Variants in EXD3 observed in about 807,000 individuals in gnomAD.
The protein encoded by EXD3 is exonuclease 3'-5' domain containing 3.
Under a neutral mutation model 98.0 loss-of-function variants are expected in EXD3, and 92 were observed. That is an observed-to-expected ratio of 0.94 (90% CI 0.79 to 1.12). EXD3 has a LOEUF of 1.12. Among genes scored for constraint, EXD3 ranks in the 50% most tolerant of loss-of-function variants. The pLI is 0.00. For missense variants in EXD3, 1,222 were observed against 1,191.6 expected, an observed-to-expected ratio of 1.03 and a Z score of -0.38; for synonymous variants, 569 against 526.0, an observed-to-expected ratio of 1.08 and a Z score of -1.12.
At chr9:137,396,487 C>T (rs568753816) in intron 1 of EXD3, among the ~76,000 whole-genome samples, 35 of 152,330 alleles carry the variant, frequency 2.3e-4, no homozygotes, top group South Asian at 1.0e-3. Flanking sequence ...GCAGCCCTCA[C>T]GGTGGCCATT....
Position 137,373,574 on chromosome 9 carries a change from A to C in EXD3, c.146T>G (p.Phe49Cys). 1 of 1,603,124 alleles carries C rather than the reference A, an allele frequency of 6.2e-7. No individual in the cohort carries two copies. Residue 49 changes from phenylalanine (F) to cysteine (C), a missense_variant, in exon 4 of 22, where the codon TTT (phenylalanine) becomes TGT (cysteine). Coordinates refer to ENST00000340951, the MANE Select transcript of EXD3 (RefSeq NM_017820.5). ...GGCCAGGGGGTCGTCCAAGGCAGCA[A>C]ACCCCCGCCAGGCTTCCTCCCGGAG... ...KQLREEAWRGFAALDDPLAGL... is the reference protein window; with the variant it reads ...KQLREEAWRGCAALDDPLAGL...
intron 5 of EXD3, among the ~76,000 whole-genome samples, chr9:137,368,533 C>T (rs1187655417): frequency 3.9e-5 from 6 of 152,226 alleles, no homozygotes; most frequent in Non-Finnish European, 8.8e-5. Flanking sequence ...GATCGGGGCA[C>T]GGCCGGGCCC....
intron 3 of EXD3, among the ~76,000 whole-genome samples, chr9:137,381,679 T>A (rs1461714350): frequency 6.6e-6 from 1 of 152,174 alleles, no homozygotes; most frequent in Non-Finnish European, 1.5e-5. Context: ...CCCTTTATAC[T>A]GCAGACCGCC....
chr9:137,395,302 C>A lies in EXD3; in HGVS notation c.55+1G>T. The A allele has an allele frequency of 1.2e-6, 2 of 1,613,322 alleles. No homozygotes were observed. Among genetic ancestry groups the A allele is most frequent in the South Asian group, 1.1e-5 (1 of 91,082 alleles). On this transcript the variant is annotated splice_donor_variant, in intron 2 of 21. Transcript: ENST00000340951. LOFTEE classifies it high-confidence loss of function. This position sits in a 1 kb window ranked among gnomAD's most constrained non-coding sequence, Gnocchi z 6.5. ...CTCGGCACCATCAGGCTCAGACTCA[C>A]CCATGCGGTGGCGCTCGCCAGCGGC...
At chr9:137,374,329 G>A (rs75707664) in intron 3 of EXD3, among the ~76,000 whole-genome samples, 6,451 of 152,360 alleles carry the variant, frequency 0.042, 452 homozygotes, top group Admixed American at 0.19. Context: ...CGACGGCCAC[G>A]CAGGTGGGCA....
chr9:137,409,264 T>C (rs1239391062), intron 1 of EXD3, among the ~76,000 whole-genome samples: 1 of 152,202 alleles, frequency 6.6e-6, no homozygotes, highest in Non-Finnish European at 1.5e-5. Context: ...TCAGGACCCT[T>C]CGGAGTCCCA....
chr9:137,408,546 CAAAAAA>C (rs570243090), intron 1 of EXD3, among the ~76,000 whole-genome samples: 2 of 44,510 alleles, frequency 4.5e-5, no homozygotes, highest in Non-Finnish European at 4.0e-5. Context: ...GACTCTGCCT[CAAAAAA>C]AAAAAAAAAA....
chr9:137,329,688 CACACGGGACT>C (rs1244562973), intron 17 of EXD3, among the ~76,000 whole-genome samples: 3 of 37,810 alleles, frequency 7.9e-5, no homozygotes, highest in Non-Finnish European at 1.1e-4. Flanking sequence ...TACACGGGGT[CACACGGGACT>C]ACACGGGACT....
intron 1 of EXD3, among the ~76,000 whole-genome samples, chr9:137,420,737 A>C (rs964706386): frequency 0.01 from 1,158 of 112,158 alleles, 8 homozygotes; most frequent in Middle Eastern, 0.025. Context: ...ACAGACATTC[A>C]CCCCCCCCCC....
chr9:137,353,285 G>T, intron 10 of EXD3: 1 of 984,988 alleles, frequency 1.0e-6, no homozygotes, highest in South Asian at 4.7e-5. Flanking sequence ...TGACCTTCCC[G>T]GCCTCCAAGC....
At chr9:137,341,275 C>G (rs905828788) in intron 17 of EXD3, among the ~76,000 whole-genome samples, 2 of 152,174 alleles carry the variant, frequency 1.3e-5, no homozygotes, top group African/African-American at 4.8e-5. Flanking sequence ...TGTGATCACA[C>G]CACTACACTC....
At chr9:137,389,515 G>A (rs554901917) in intron 2 of EXD3, among the ~76,000 whole-genome samples, 5 of 146,662 alleles carry the variant, frequency 3.4e-5, no homozygotes, top group Non-Finnish European at 7.8e-5. Flanking sequence ...CGGGATGAGG[G>A]GGAGAGCCCA....
At chr9:137,331,915 CA>C (rs1833082387) in intron 17 of EXD3, among the ~76,000 whole-genome samples, 1 of 151,560 alleles carries the variant, frequency 6.6e-6, no homozygotes, top group South Asian at 2.1e-4. Flanking sequence ...GACTCCGTCT[CA>C]AAAAATAAAA....
chr9:137,382,431 C>T lies in EXD3; in HGVS notation c.120+882G>A, dbSNP rs573908192. ...GACCCGGGGAGGCTCACACCACACA[C>T]GCAGGTGCCAAAGAGCGAGGAAGAC... On this transcript the variant is annotated intron_variant, in intron 3 of 21. Transcript: ENST00000340951. 1.9e-3 allele frequency among the ~76,000 whole-genome samples: 296 copies of T among 152,064 alleles called. 1 individual carries two copies. The highest frequency in any genetic ancestry group is 6.8e-3 in the African/African-American group (281 of 41,432).
intron 21 of EXD3, 146 bp downstream of exon 21, chr9:137,307,462 C>A: frequency 2.0e-5 from 26 of 1,272,206 alleles, no homozygotes; most frequent in Non-Finnish European, 2.6e-5. Context: ...GGACCCCACC[C>A]CTCACCTTGC....
intron 3 of EXD3, among the ~76,000 whole-genome samples, chr9:137,382,012 A>AGGGCGCGC (rs1836306379): frequency 1.6e-4 from 22 of 137,782 alleles, no homozygotes; most frequent in East Asian, 6.5e-4. Context: ...GGAGGAGGTG[A>AGGGCGCGC]GGACGCGGGG....
intron 2 of EXD3, among the ~76,000 whole-genome samples, chr9:137,388,060 G>A (rs1481921174): frequency 6.6e-6 from 1 of 152,184 alleles, no homozygotes; most frequent in Non-Finnish European, 1.5e-5. Context: ...GTATTAGGAG[G>A]ACACCTAGAA....
chr9:137,390,399 T>G (rs1166553553), intron 2 of EXD3, among the ~76,000 whole-genome samples: 1 of 147,740 alleles, frequency 6.8e-6, no homozygotes. Context: ...GCCACTGCAC[T>G]CCAGCCTGGG....
intron 19 of EXD3, among the ~76,000 whole-genome samples, chr9:137,319,625 G>A (rs1216546703): frequency 6.6e-6 from 1 of 152,170 alleles, no homozygotes; most frequent in Non-Finnish European, 1.5e-5. Context: ...TCCAGGCCCT[G>A]AGCACCTCTC....
Sources: allele counts gnomAD v4.1 joint callset (sites outside exome capture counted in the v4.1 genomes callset), GRCh38; gene constraint gnomAD v4.1.1; non-coding constraint Gnocchi (gnomAD v3.1); transcripts MANE v1.5; gene names NCBI Gene and HGNC (gene_info 2026-07-23, HGNC 2026-07-21).